Variants in ZNF385B observed in about 807,000 individuals in gnomAD.
ZNF385B encodes zinc finger protein 533.
Under a neutral mutation model 39.2 loss-of-function variants are expected in ZNF385B, and 23 were observed. The observed-to-expected ratio is 0.59, with a 90% CI of 0.42 to 0.83. The LOEUF (loss-of-function observed/expected upper bound fraction) is 0.83. Ranked by LOEUF, ZNF385B falls within the 40% of genes least tolerant of loss-of-function variation. The pLI, the probability that ZNF385B is intolerant of heterozygous loss-of-function variation, is 0.00. For missense variants in ZNF385B, 552 were observed against 598.9 expected (o/e 0.92, Z 0.82); for synonymous variants, 205 against 222.6 (o/e 0.92, Z 0.70).
At chr2:179,699,470 A>G (rs530031386) in intron 3 of ZNF385B, among the ~76,000 whole-genome samples, 1 of 152,374 alleles carries the variant, frequency 6.6e-6, no homozygotes, top group African/African-American at 2.4e-5. Context: ...ATTTGTAGAC[A>G]TAATTGTGGA....
intron 3 of ZNF385B, among the ~76,000 whole-genome samples, chr2:179,749,438 C>T (rs17825041): frequency 0.092 from 14,002 of 151,984 alleles, 721 homozygotes; most frequent in Non-Finnish European, 0.11. Flanking sequence ...AAAACCAGCT[C>T]GAGAAAAACC....
intron 3 of ZNF385B, among the ~76,000 whole-genome samples, chr2:179,750,888 T>G (rs572096496): frequency 2.0e-5 from 3 of 152,240 alleles, no homozygotes; most frequent in African/African-American, 7.2e-5. Context: ...GAATGATAAA[T>G]GGCAAGTTGA....
At chr2:179,628,164 C>T (rs557897290) in intron 3 of ZNF385B, among the ~76,000 whole-genome samples, 1 of 152,082 alleles carries the variant, frequency 6.6e-6, no homozygotes, top group Non-Finnish European at 1.5e-5. Context: ...ATACTATTAT[C>T]GCATGTTAAA....
chr2:179,707,230 G>A (rs1311441563), intron 3 of ZNF385B, among the ~76,000 whole-genome samples: 2 of 152,200 alleles, frequency 1.3e-5, no homozygotes, highest in South Asian at 4.1e-4. Context: ...CAGGAAGAAG[G>A]GAAGAGAGTC....
At chr2:179,675,759 G>A (rs1696670940) in intron 3 of ZNF385B, among the ~76,000 whole-genome samples, 1 of 151,248 alleles carries the variant, frequency 6.6e-6, no homozygotes, top group African/African-American at 2.4e-5. Context: ...AGTTGTATCT[G>A]TGTACTAAGT....
At chr2:179,855,167 T>C (rs114913109) in intron 1 of ZNF385B, among the ~76,000 whole-genome samples, 289 of 152,344 alleles carry the variant, frequency 1.9e-3, no homozygotes, top group African/African-American at 5.7e-3. Flanking sequence ...GTTTTGCTGA[T>C]ATAATGATAA....
intron 6 of ZNF385B, among the ~76,000 whole-genome samples, chr2:179,463,352 CTT>C (rs34612688): frequency 8.1e-6 from 1 of 123,162 alleles, no homozygotes; most frequent in Admixed American, 7.5e-5. Flanking sequence ...CTCTCTATTT[CTT>C]TTTTTTATTC....
chr2:179,818,325 A>G (rs1156575025), intron 1 of ZNF385B, among the ~76,000 whole-genome samples: 1 of 152,202 alleles, frequency 6.6e-6, no homozygotes. Context: ...TCCTAAAATG[A>G]TTTAGCAGCA....
chr2:179,622,671 A>T (rs1690314149), intron 3 of ZNF385B, among the ~76,000 whole-genome samples: 1 of 152,214 alleles, frequency 6.6e-6, no homozygotes, highest in Non-Finnish European at 1.5e-5. Context: ...AAAAATTTTT[A>T]ATCACAACTA....
intron 3 of ZNF385B, among the ~76,000 whole-genome samples, chr2:179,563,692 C>T (rs1684203927): frequency 6.6e-6 from 1 of 152,076 alleles, no homozygotes; most frequent in South Asian, 2.1e-4. Flanking sequence ...AAATAATATT[C>T]TAAATGAAAC....
intron 1 of ZNF385B, among the ~76,000 whole-genome samples, chr2:179,781,817 T>C (rs1188020563): frequency 6.6e-6 from 1 of 152,112 alleles, no homozygotes; most frequent in African/African-American, 2.4e-5. Context: ...AACTCTGAAA[T>C]TGAATCAGTT....
intron 3 of ZNF385B, among the ~76,000 whole-genome samples, chr2:179,561,249 A>C (rs2061318492): frequency 1.3e-5 from 2 of 152,334 alleles, no homozygotes; most frequent in South Asian, 2.1e-4. Flanking sequence ...TTCTATGAAA[A>C]GCAAACATAG....
chr2:179,692,128 AC>A (rs1442015566), intron 3 of ZNF385B, among the ~76,000 whole-genome samples: 18 of 152,058 alleles, frequency 1.2e-4, no homozygotes, highest in Non-Finnish European at 2.9e-5. Flanking sequence ...GTATTTGTGT[AC>A]CCACTCACCA....
intron 3 of ZNF385B, among the ~76,000 whole-genome samples, chr2:179,715,849 A>G (rs1700296724): frequency 6.6e-6 from 1 of 152,164 alleles, no homozygotes; most frequent in African/African-American, 2.4e-5. Context: ...AATGATAAAT[A>G]CCCATCATGA....
chr2:179,726,883 A>G (rs1196838695), intron 3 of ZNF385B, among the ~76,000 whole-genome samples: 2 of 152,124 alleles, frequency 1.3e-5, no homozygotes, highest in Admixed American at 1.3e-4. Context: ...GATAAAACAC[A>G]GAGATGTTAA....
intron 1 of ZNF385B, among the ~76,000 whole-genome samples, chr2:179,774,324 C>T (rs1704185977): frequency 6.6e-6 from 1 of 151,414 alleles, no homozygotes. Context: ...ACGTGTGTAG[C>T]ACTGGTTGTG....
chr2:179,516,282 A>G (rs892453365), intron 5 of ZNF385B, among the ~76,000 whole-genome samples: 17 of 152,172 alleles, frequency 1.1e-4, no homozygotes, highest in African/African-American at 4.1e-4. Flanking sequence ...CCTTGGGGAT[A>G]TACTTAGAAG....
intron 3 of ZNF385B, among the ~76,000 whole-genome samples, chr2:179,653,367 C>G (rs1234265645): frequency 6.6e-6 from 1 of 152,166 alleles, no homozygotes; most frequent in East Asian, 1.9e-4. Flanking sequence ...TGGCAATGGC[C>G]TCTCTCTAGA....
chr2:179,594,612 C>G (rs1041765387), intron 3 of ZNF385B, among the ~76,000 whole-genome samples: 1 of 152,140 alleles, frequency 6.6e-6, no homozygotes, highest in Admixed American at 6.6e-5. Flanking sequence ...AAACTACCAT[C>G]ACTGCTGTAA....
Sources: gnomAD v4.1 joint callset for allele counts (sites outside exome capture counted in the v4.1 genomes callset) on GRCh38, gnomAD v4.1.1 for gene constraint, MANE v1.5 for transcripts, NCBI Gene and HGNC (gene_info 2026-07-23, HGNC 2026-07-21) for gene names.